The following CPEB3 variants were observed in gnomAD, a reference collection of about 807,000 sequenced individuals.
CPEB3 encodes cytoplasmic polyadenylation element binding protein 3, also known as cytoplasmic polyadenylation element-binding protein 3.
In CPEB3, 20 loss-of-function variants were observed where a neutral mutation model predicts 67.2. That is an observed-to-expected ratio of 0.30 (90% CI 0.21 to 0.43). CPEB3 has a LOEUF of 0.43. CPEB3 is among the 20% of genes least tolerant of loss of function. CPEB3 has a pLI of 1.00. For missense variants in CPEB3, 746 were observed against 968.6 expected (o/e 0.77, Z 3.05); for synonymous variants, 376 against 393.1 (o/e 0.96, Z 0.51).
intron 4 of CPEB3, among the ~76,000 whole-genome samples, chr10:92,176,020 G>A (rs1848207651): frequency 6.6e-6 from 1 of 151,972 alleles, no homozygotes; most frequent in South Asian, 2.1e-4. Context: ...GAGCCCAAGA[G>A]GCAGAGGTTG....
At chr10:92,271,137 C>T (rs1383921888) in intron 1 of CPEB3, among the ~76,000 whole-genome samples, 1 of 152,066 alleles carries the variant, frequency 6.6e-6, no homozygotes, top group East Asian at 1.9e-4. Flanking sequence ...GAGCCGAGAT[C>T]GCACCACCGC....
In CPEB3 at chr10:92,192,473, T is replaced by C. The variant is rs779515141; in HGVS notation, c.1165+4A>G. ...CAAGAAATGGACATATGAATATTCCTAACCTGCAAAATGATTCCTCCACAT... is the reference window on the plus strand; with the variant it reads ...CAAGAAATGGACATATGAATATTCCCAACCTGCAAAATGATTCCTCCACAT... On this transcript the variant is annotated splice_donor_region_variant and intron_variant, in intron 3 of 9. Transcript: ENST00000265997. 7.4e-6 allele frequency: 12 copies of C among 1,611,104 alleles called. No individual in the cohort carries two copies. The highest frequency in any genetic ancestry group is 8.5e-6 in the Non-Finnish European group (10 of 1,178,956).
chr10:92,101,977 G>A (rs951245388), intron 7 of CPEB3, among the ~76,000 whole-genome samples: 2 of 152,050 alleles, frequency 1.3e-5, no homozygotes, highest in African/African-American at 4.8e-5. Flanking sequence ...ATAAGGAGTT[G>A]GTTTATTATT....
chr10:92,060,419 G>A (rs905610020), intron 9 of CPEB3, among the ~76,000 whole-genome samples: 2 of 151,974 alleles, frequency 1.3e-5, no homozygotes, highest in African/African-American at 4.8e-5. Context: ...AGCTACTAAA[G>A]GAAAACACTG....
rs1851757006 is a variant in CPEB3, at chr10:92,240,042, C to G, written c.309G>C (p.Leu103=). 1 of 1,599,690 alleles carries G rather than the reference C, an allele frequency of 6.3e-7. No individual in the cohort carries two copies. The change falls in exon 2 of 10, where the codon CTG becomes CTC. Residue 103 remains leucine, a synonymous_variant. Coordinates refer to ENST00000265997, the MANE Select transcript of CPEB3 (RefSeq NM_014912.5). ...PQEPAAPGAS[L]SPSFGSTWST... ...ACCAGGTGCTGCCGAAGGACGGCGA[C>G]AGCGACGCGCCCGGTGCCGCGGGCT... is the stretch of plus-strand genomic sequence containing the variant.
chr10:92,250,858 A>AGTTTTTTTTTTTTTTTT (rs1454105127), intron 1 of CPEB3, among the ~76,000 whole-genome samples: 3 of 104,120 alleles, frequency 2.9e-5, no homozygotes, highest in Non-Finnish European at 5.7e-5. Flanking sequence ...CACACAGTTA[A>AGTTTTTTTTTTTTTTTT]TTTTTTTTTT....
intron 1 of CPEB3, among the ~76,000 whole-genome samples, chr10:92,274,407 T>C (rs1325129809): frequency 2.6e-5 from 4 of 152,220 alleles, no homozygotes; most frequent in African/African-American, 9.6e-5. Context: ...CTTTAAGTTA[T>C]TACTTAAAGA....
intron 9 of CPEB3, among the ~76,000 whole-genome samples, chr10:92,053,549 T>TC (rs1690171689): frequency 2.0e-5 from 3 of 148,922 alleles, no homozygotes; most frequent in Non-Finnish European, 3.0e-5. Flanking sequence ...TTTTTCTTTT[T>TC]TTTTTTTTTT....
chr10:92,266,421 T>C (rs776959943), intron 1 of CPEB3, among the ~76,000 whole-genome samples: 49 of 152,232 alleles, frequency 3.2e-4, no homozygotes, highest in Middle Eastern at 6.8e-3. Flanking sequence ...TTGGTCCTCT[T>C]AGAACAAAAA....
chr10:92,233,560 G>A (rs1590471818), intron 2 of CPEB3, among the ~76,000 whole-genome samples: 1 of 143,560 alleles, frequency 7.0e-6, no homozygotes. Context: ...GAAATGGACA[G>A]AACACAAACT....
intron 1 of CPEB3, among the ~76,000 whole-genome samples, chr10:92,279,839 G>A (rs374868472): frequency 3.3e-5 from 5 of 152,126 alleles, no homozygotes; most frequent in South Asian, 2.1e-4. Flanking sequence ...GCGAAACCCC[G>A]TCTCTACTAA....
chr10:92,156,526 T>C (rs557560437), intron 4 of CPEB3, among the ~76,000 whole-genome samples: 85 of 152,268 alleles, frequency 5.6e-4, no homozygotes, highest in African/African-American at 1.9e-3. Context: ...GGTGACTGAT[T>C]AGTACGTGAG....
chr10:92,288,563 T>C (rs1020336248), intron 1 of CPEB3, among the ~76,000 whole-genome samples: 8 of 152,182 alleles, frequency 5.3e-5, no homozygotes, highest in African/African-American at 1.9e-4. Context: ...GTGGAATTAC[T>C]GGGTCACATG....
intron 1 of CPEB3, among the ~76,000 whole-genome samples, chr10:92,254,602 C>G (rs1852441882): frequency 6.6e-6 from 1 of 152,106 alleles, no homozygotes; most frequent in Non-Finnish European, 1.5e-5. Context: ...GCCTCCTGGC[C>G]ACAAAGTAGC....
intron 1 of CPEB3, among the ~76,000 whole-genome samples, chr10:92,256,446 G>C (rs1202180838): frequency 1.3e-5 from 2 of 151,060 alleles, no homozygotes; most frequent in Admixed American, 1.3e-4. Flanking sequence ...CTAGAGTGCG[G>C]TGGCGCATCT....
At chr10:92,102,440 AGTC>A (rs1407085829) in intron 7 of CPEB3, among the ~76,000 whole-genome samples, 1 of 152,196 alleles carries the variant, frequency 6.6e-6, no homozygotes, top group African/African-American at 2.4e-5. Flanking sequence ...GGATGCTCCA[AGTC>A]CACCCTCAGG....
intron 1 of CPEB3, among the ~76,000 whole-genome samples, chr10:92,243,649 G>C (rs1851941219): frequency 6.6e-6 from 1 of 152,124 alleles, no homozygotes; most frequent in African/African-American, 2.4e-5. Flanking sequence ...AGAGGAATAG[G>C]CAAGGGAGGG....
At chr10:92,208,039 G>A (rs1849877895) in intron 2 of CPEB3, among the ~76,000 whole-genome samples, 1 of 152,196 alleles carries the variant, frequency 6.6e-6, no homozygotes, top group Non-Finnish European at 1.5e-5. Context: ...GTAGGATAGG[G>A]TATCCTAAGC....
intron 2 of CPEB3, among the ~76,000 whole-genome samples, chr10:92,225,782 G>C (rs1157986917): frequency 6.6e-6 from 1 of 152,118 alleles, no homozygotes; most frequent in Non-Finnish European, 1.5e-5. Flanking sequence ...AACATTAAGA[G>C]TATTTGAATC....
Sources: gnomAD v4.1 joint callset for allele counts (sites outside exome capture counted in the v4.1 genomes callset) on GRCh38, gnomAD v4.1.1 for gene constraint, MANE v1.5 for transcripts, NCBI Gene and HGNC (gene_info 2026-07-23, HGNC 2026-07-21) for gene names.